The following ANKEF1 variants were observed in gnomAD, a reference collection of about 807,000 sequenced individuals.
The protein encoded by ANKEF1 is ankyrin repeat and EF-hand domain containing 1, also known as ankyrin repeat and EF-hand domain-containing protein 1.
In ANKEF1, 43 loss-of-function variants were observed where a neutral mutation model predicts 65.1. The ratio of observed to expected loss-of-function variants is 0.66; its 90% CI spans 0.52 to 0.85. The LOEUF is 0.85. Ranked by LOEUF, ANKEF1 falls within the 40% of genes least tolerant of loss-of-function variation. ANKEF1 has a pLI of 0.00. For missense variants in ANKEF1, 934 were observed against 952.9 expected, an observed-to-expected ratio of 0.98 and a Z score of 0.26; for synonymous variants, 316 against 341.5, an observed-to-expected ratio of 0.93 and a Z score of 0.82.
chr20:10,039,746 G>T (rs1255589645), intron 3 of ANKEF1, among the ~76,000 whole-genome samples: 2 of 152,120 alleles, frequency 1.3e-5, no homozygotes, highest in Non-Finnish European at 2.9e-5. Context: ...GGCAAAATTG[G>T]TTCCACGGTC....
chr20:10,048,190 C>T (rs1468707726), intron 6 of ANKEF1, among the ~76,000 whole-genome samples: 5 of 151,554 alleles, frequency 3.3e-5, no homozygotes, highest in African/African-American at 7.3e-5. Flanking sequence ...TTTTCTACTA[C>T]TAGTAAAATT....
In ANKEF1 at chr20:10,048,679, CA is replaced by C. The variant is rs1984660009; in HGVS notation, c.821-705del. On this transcript the variant is annotated intron_variant, in intron 6 of 10. Transcript: ENST00000378392. The stretch of plus-strand genomic sequence containing the variant: ...CACTAAATGGATTCCCTAACATGTT[CA>C]AAAAAGTTTATTTCTTTGGTGAATA... Among the ~76,000 whole-genome samples, 7 of 151,962 alleles carry C rather than the reference CA, an allele frequency of 4.6e-5. No individual in the cohort carries two copies. In the South Asian group the frequency reaches 1.5e-3, roughly 32 times the overall value.
rs962588872 is a variant in ANKEF1, at chr20:10,056,245, A to G, written c.*585A>G. ...TGCCATTATAAACTATGTGTATTAG[A>G]TACCTTGGGTTGAATACACTTTTAA... On this transcript the variant is annotated 3_prime_UTR_variant, in exon 11 of 11. Transcript: ENST00000378392. The G allele has an allele frequency of 6.5e-6, 1 of 153,016 alleles. No homozygotes were observed. The highest frequency in any genetic ancestry group is 2.4e-5 in the African/African-American group (1 of 41,414). 9.5% of individuals were successfully genotyped at this position (153,016 alleles called of 1,614,324 possible).
intron 6 of ANKEF1, among the ~76,000 whole-genome samples, chr20:10,048,412 A>G (rs1984644228): frequency 6.6e-6 from 1 of 152,170 alleles, no homozygotes; most frequent in African/African-American, 2.4e-5. Context: ...TTGTGTTACA[A>G]ATAATCCAAT....
In ANKEF1 at chr20:10,050,149, C is replaced by G; in HGVS notation, c.1580C>G (p.Thr527Ser). 6.2e-7 allele frequency: 1 copy of G among 1,614,150 alleles called. No homozygotes were observed. The highest frequency in any genetic ancestry group is 8.5e-7 in the Non-Finnish European group (1 of 1,179,998). The change falls in exon 7 of 11, where the codon ACT becomes AGT. Residue 527 changes from threonine (T) to serine (S), a missense_variant. Physicochemically the swap from Thr to Ser is moderately conservative, Grantham distance 58 (BLOSUM62 1). Transcript: ENST00000378392. ...PVDMKDNYYKTPLMTACASGN... is the reference protein window; with the variant it reads ...PVDMKDNYYKSPLMTACASGN... ...GATATGAAGGATAATTATTACAAAACTCCGCTAATGACGGCGTGTGCAAGT... is the reference window on the plus strand; with the variant it reads ...GATATGAAGGATAATTATTACAAAAGTCCGCTAATGACGGCGTGTGCAAGT...
At chr20:10,043,057 TA>T in intron 3 of ANKEF1, 64 bp from the exon 4 acceptor site, 1 of 1,500,256 alleles carries the variant, frequency 6.7e-7, no homozygotes, top group Non-Finnish European at 9.1e-7. Context: ...TTAATAATTT[TA>T]CTTTCCTTCC....
rs1555773774 is a variant in ANKEF1 at position 10,056,496 on chromosome 20, T to TAGATGATAGATAGATAGATA, written c.*836_*837insAGATGATAGATAGATAGATA. On this transcript the variant is annotated 3_prime_UTR_variant, in exon 11 of 11. Transcript: ENST00000378392. ...GATAGATGATAGATAGATAGATAGA[T>TAGATGATAGATAGATAGATA]GATAGATAGATAGATAGATAGATAG... 16 of 143,824 alleles carry TAGATGATAGATAGATAGATA rather than the reference T, an allele frequency of 1.1e-4. No homozygotes were observed. The highest frequency in any genetic ancestry group is 4.2e-4 in the African/African-American group (16 of 38,142). 8.9% of individuals were successfully genotyped at this position (143,824 alleles called of 1,614,324 possible). A position where few individuals can be genotyped will look rare whatever the true frequency, so the allele number is the denominator to read the frequency against.
Position 10,055,679 on chromosome 20 carries a change from TG to T in ANKEF1, c.*23del. The T allele has an allele frequency of 6.2e-7, 1 of 1,613,308 alleles. No homozygotes were observed. ...GACCTAAGTCATAGCAGTTATTTCTTGGGGTAAATGCTTTGAGGCCCAGGGA... is the reference window on the plus strand; with the variant it reads ...GACCTAAGTCATAGCAGTTATTTCTTGGGTAAATGCTTTGAGGCCCAGGGA... On this transcript the variant is annotated 3_prime_UTR_variant, in exon 11 of 11. Coordinates refer to ENST00000378392, the MANE Select transcript of ANKEF1 (RefSeq NM_022096.6).
At chr20:10,045,771 G>A in intron 6 of ANKEF1, 74 bp downstream of exon 6, 1 of 1,531,010 alleles carries the variant, frequency 6.5e-7, no homozygotes, top group East Asian at 2.3e-5. Flanking sequence ...GAGAATTTGG[G>A]CCTATCACTT....
intron 2 of ANKEF1, among the ~76,000 whole-genome samples, chr20:10,037,392 T>C (rs986332362): frequency 1.3e-5 from 2 of 152,142 alleles, no homozygotes; most frequent in Admixed American, 6.5e-5. Context: ...TAGTCTTCCC[T>C]CATAGTTCTG....
At chr20:10,041,285 A>G (rs1329056959) in intron 3 of ANKEF1, among the ~76,000 whole-genome samples, 1 of 150,706 alleles carries the variant, frequency 6.6e-6, no homozygotes, top group Non-Finnish European at 1.5e-5. Context: ...CTTTTTAGTT[A>G]TTTTAGTTTT....
chr20:10,042,582 C>T (rs922897856), intron 3 of ANKEF1, among the ~76,000 whole-genome samples: 11 of 152,114 alleles, frequency 7.2e-5, no homozygotes, highest in African/African-American at 1.7e-4. Flanking sequence ...CTTTCTCCAA[C>T]GGAACAAAAT....
chr20:10,043,144 A>G lies in ANKEF1; in HGVS notation c.369A>G (p.Leu123=). Residue 123 remains leucine, a synonymous_variant, in exon 4 of 11, where the codon TTA becomes TTG. Transcript: ENST00000378392. ...CAGGTGTTTTGTTTTACTGCATTTTACCGACTAAGCGGCATTATCGCTGTG... is the reference window on the plus strand; with the variant it reads ...CAGGTGTTTTGTTTTACTGCATTTTGCCGACTAAGCGGCATTATCGCTGTG... ...EGKGVLFYCI[L]PTKRHYRCAL... The G allele has an allele frequency of 6.2e-7, 1 of 1,614,032 alleles. No homozygotes were observed.
At chr20:10,036,086 G>T (rs535861225) in intron 2 of ANKEF1, among the ~76,000 whole-genome samples, 4 of 152,310 alleles carry the variant, frequency 2.6e-5, no homozygotes, top group African/African-American at 9.6e-5. Context: ...TGAGCTCTTG[G>T]TCAGTCTTAG....
At chr20:10,048,051 T>C (rs1984618988) in intron 6 of ANKEF1, among the ~76,000 whole-genome samples, 1 of 152,120 alleles carries the variant, frequency 6.6e-6, no homozygotes, top group African/African-American at 2.4e-5. Context: ...AAAAACAGCA[T>C]ATCAGAATTA....
At chr20:10,047,643 G>T (rs1389068613) in intron 6 of ANKEF1, among the ~76,000 whole-genome samples, 1 of 152,192 alleles carries the variant, frequency 6.6e-6, no homozygotes, top group Non-Finnish European at 1.5e-5. Context: ...AAGGGCAGAG[G>T]AGAGGAGCTC....
Position 10,051,829 on chromosome 20 carries a change from C to G in ANKEF1, c.1810C>G (p.Leu604Val). ...AAATAGAGCCATTGAAAGCTGCAGA[C>G]TGGATACAGTAAAATACCTACTTGA... Reference protein sequence around the residue: ...PLNRAIESCRLDTVKYLLDIG... With the variant: ...PLNRAIESCRVDTVKYLLDIG... The change falls in exon 8 of 11, where the codon CTG becomes GTG. Residue 604 changes from leucine to valine, a missense_variant. Leu to Val is a conservative substitution (Grantham distance 32). Transcript: ENST00000378392. 1 of 1,613,478 alleles carries G rather than the reference C, an allele frequency of 6.2e-7. No individual in the cohort carries two copies. The highest frequency in any genetic ancestry group is 8.5e-7 in the Non-Finnish European group (1 of 1,179,808).
At chr20:10,044,253 A>G in intron 4 of ANKEF1, 141 bp from the exon 5 acceptor site, 1 of 920,300 alleles carries the variant, frequency 1.1e-6, no homozygotes, top group Non-Finnish European at 1.5e-6. Context: ...TCTTTGTTAC[A>G]TGAAGCTAAG....
At chr20:10,046,149 C>T (rs1259990863) in intron 6 of ANKEF1, among the ~76,000 whole-genome samples, 1 of 152,132 alleles carries the variant, frequency 6.6e-6, no homozygotes, top group East Asian at 1.9e-4. Flanking sequence ...GTGACGGCGC[C>T]TGTAATCCCA....
Sources: gnomAD v4.1 joint callset for allele counts (sites outside exome capture counted in the v4.1 genomes callset) on GRCh38, gnomAD v4.1.1 for gene constraint, MANE v1.5 for transcripts, NCBI Gene and HGNC (gene_info 2026-07-23, HGNC 2026-07-21) for gene names.